Variants in TBCD observed in about 807,000 individuals in gnomAD.
The protein encoded by TBCD is tubulin-specific chaperone D.
Under a neutral mutation model 169.3 loss-of-function variants are expected in TBCD, and 105 were observed. The ratio of observed to expected loss-of-function variants is 0.62; its 90% CI spans 0.53 to 0.73. The LOEUF (loss-of-function observed/expected upper bound fraction) is 0.73, where lower values mean the gene tolerates loss of function less well. Among genes scored for constraint, TBCD ranks in the 30% least tolerant of loss-of-function variants. The probability of loss-of-function intolerance (pLI) is 0.00; values close to 1 mark genes in which losing one functional copy is unlikely to be tolerated. For missense variants in TBCD, 1,444 were observed against 1,600.1 expected, an observed-to-expected ratio of 0.90 and a Z score of 1.66; for synonymous variants, 700 against 643.9, an observed-to-expected ratio of 1.09 and a Z score of -1.32.
At chr17:82,888,502 T>C (rs928801409) in intron 15 of TBCD, among the ~76,000 whole-genome samples, 1 of 152,282 alleles carries the variant, frequency 6.6e-6, no homozygotes, top group Non-Finnish European at 1.5e-5. Context: ...TTTTGTTTCT[T>C]ACTTTCCTAA....
Position 82,903,141 on chromosome 17 carries a change from A to C in TBCD, c.1731-264A>C, listed in dbSNP as rs8076476. Among the ~76,000 whole-genome samples the C allele has an allele frequency of 0.23, 35,475 of 151,994 alleles. 4,436 individuals carry two copies. The highest frequency in any genetic ancestry group is 0.45 in the East Asian group (2,338 of 5,144). ...GTGGGGGTGGGGAGGCCGGACACCC[A>C]ATTGCCACCTGGCCCTGAGAAGGAA... On this transcript the variant is annotated intron_variant, in intron 18 of 38. Coordinates refer to ENST00000355528, the MANE Select transcript of TBCD (RefSeq NM_005993.5). The surrounding 1 kb of genome is among the most constrained non-coding windows in gnomAD (Gnocchi z 4.8).
At position 82,900,028 on chromosome 17, in the gene TBCD, T is replaced by G. The variant is rs557706687; in HGVS notation, c.1650-623T>G. On this transcript the variant is annotated intron_variant, in intron 17 of 38. Coordinates refer to ENST00000355528, the MANE Select transcript of TBCD (RefSeq NM_005993.5). ...TTTTCTTAAAAGTTTTTAACAGCTT[T>G]GCCGAGGTATAATGGGCATATGTTA... is the stretch of plus-strand genomic sequence containing the variant. 3.3e-5 allele frequency among the ~76,000 whole-genome samples: 5 copies of G among 152,384 alleles called. 1 individual carries two copies. In the South Asian group the frequency reaches 1.0e-3, roughly 32 times the overall value.
intron 13 of TBCD, chr17:82,860,263 G>A: frequency 2.1e-5 from 12 of 559,626 alleles, no homozygotes; most frequent in Non-Finnish European, 2.7e-5. Context: ...GGGTAGGAGC[G>A]CCCTGGCTTC....
At chr17:82,786,368 C>T (rs1279756395) in intron 7 of TBCD, among the ~76,000 whole-genome samples, 2 of 152,186 alleles carry the variant, frequency 1.3e-5, no homozygotes, top group Non-Finnish European at 2.9e-5. Context: ...ATGGCTCTGC[C>T]CCGAGTGTGG....
At chr17:82,902,937 CT>C in intron 18 of TBCD, among the ~76,000 whole-genome samples, 1 of 152,272 alleles carries the variant, frequency 6.6e-6, no homozygotes, top group African/African-American at 2.4e-5. Flanking sequence ...CTGGGTCAGC[CT>C]TTCGCGGTCC....
At chr17:82,927,452 C>A in intron 29 of TBCD, 129 bp downstream of exon 29, 1 of 1,318,796 alleles carries the variant, frequency 7.6e-7, no homozygotes, top group Non-Finnish European at 1.0e-6. Context: ...GTTTTAAAGG[C>A]TCTGGGGAAG....
At chr17:82,847,162 T>G (rs576092520) in intron 13 of TBCD, among the ~76,000 whole-genome samples, 1 of 152,026 alleles carries the variant, frequency 6.6e-6, no homozygotes, top group African/African-American at 2.4e-5. Context: ...CCATCTTGTC[T>G]AACACAGTGA....
chr17:82,841,386 C>T (rs1234522345), intron 13 of TBCD, among the ~76,000 whole-genome samples: 2 of 151,308 alleles, frequency 1.3e-5, no homozygotes, highest in Non-Finnish European at 2.9e-5. Flanking sequence ...GGTGCGATCA[C>T]GGTTCACTGT....
chr17:82,841,266 T>G (rs572977398), intron 13 of TBCD, among the ~76,000 whole-genome samples: 4 of 152,144 alleles, frequency 2.6e-5, no homozygotes, highest in African/African-American at 9.6e-5. Flanking sequence ...TGTTATTTTT[T>G]TCCTTAAGAC....
At chr17:82,919,601 C>T (rs138452428) in intron 23 of TBCD, among the ~76,000 whole-genome samples, 39 of 152,030 alleles carry the variant, frequency 2.6e-4, no homozygotes, top group Non-Finnish European at 4.4e-4. Flanking sequence ...GTGAGGGTGC[C>T]GGCCTCACCT....
chr17:82,870,359 C>T lies in TBCD; in HGVS notation c.1454C>T (p.Pro485Leu), dbSNP rs530406016. 2.5e-6 allele frequency: 4 copies of T among 1,613,134 alleles called. No individual in the cohort carries two copies. Among genetic ancestry groups the T allele is most frequent in the South Asian group, 1.1e-5 (1 of 91,070 alleles). Residue 485 changes from proline (P) to leucine (L), a missense_variant, in exon 14 of 39, where the codon CCC becomes CTC. Transcript: ENST00000355528. ...ARAYEPQELK[P>L]FVTAISSALV... ...GCCTATGAGCCTCAGGAGCTGAAGC[C>T]CTTTGTGACTGCAATCTCGAGGTAG...
At chr17:82,885,760 C>A (rs547644183) in intron 15 of TBCD, among the ~76,000 whole-genome samples, 2 of 152,234 alleles carry the variant, frequency 1.3e-5, no homozygotes, top group African/African-American at 2.4e-5. Flanking sequence ...TAATATAAAT[C>A]ATTTTTCACA....
chr17:82,857,119 A>G (rs1280392541), intron 13 of TBCD, among the ~76,000 whole-genome samples: 1 of 152,154 alleles, frequency 6.6e-6, no homozygotes, highest in East Asian at 1.9e-4. Flanking sequence ...CCTCACCAAC[A>G]CCTGTGTTGT....
At chr17:82,885,839 G>A (rs1276585024) in intron 15 of TBCD, among the ~76,000 whole-genome samples, 1 of 152,084 alleles carries the variant, frequency 6.6e-6, no homozygotes, top group African/African-American at 2.4e-5. Flanking sequence ...AGCTTACCCT[G>A]TAGCTTGCAA....
At chr17:82,811,372 C>G (rs760855706) in intron 12 of TBCD, among the ~76,000 whole-genome samples, 4 of 152,406 alleles carry the variant, frequency 2.6e-5, no homozygotes, top group South Asian at 2.1e-4. Context: ...GTTCCTTACT[C>G]TAGCTCACCT....
At chr17:82,942,242 G>A in intron 38 of TBCD, 1 of 623,710 alleles carries the variant, frequency 1.6e-6, no homozygotes, top group Non-Finnish European at 2.8e-6. Context: ...CCGCTCCCCA[G>A]ATGGGGTGCC....
chr17:82,759,086 C>T (rs1040752455), intron 2 of TBCD, among the ~76,000 whole-genome samples: 1 of 152,190 alleles, frequency 6.6e-6, no homozygotes, highest in Non-Finnish European at 1.5e-5. Flanking sequence ...GCAGTCATAG[C>T]TCACTGCAGC....
intron 13 of TBCD, among the ~76,000 whole-genome samples, chr17:82,825,192 TATTTGTC>T (rs2052735657): frequency 6.6e-6 from 1 of 152,144 alleles, no homozygotes; most frequent in African/African-American, 2.4e-5. Context: ...TGCTTCTCCC[TATTTGTC>T]ATTTAAGATG....
intron 13 of TBCD, among the ~76,000 whole-genome samples, chr17:82,818,007 A>C (rs1227039006): frequency 2.0e-5 from 3 of 152,198 alleles, no homozygotes; most frequent in East Asian, 3.9e-4. Flanking sequence ...GTGGGGAGCC[A>C]GCTCCAGGTT....
Sources: allele counts gnomAD v4.1 joint callset (sites outside exome capture counted in the v4.1 genomes callset), GRCh38; gene constraint gnomAD v4.1.1; non-coding constraint Gnocchi (gnomAD v3.1); transcripts MANE v1.5; gene names NCBI Gene and HGNC (gene_info 2026-07-23, HGNC 2026-07-21).